Variants in PTPRN2 observed in about 807,000 individuals in gnomAD.
PTPRN2 encodes the protein receptor-type tyrosine-protein phosphatase N2.
PTPRN2 carries 74 observed loss-of-function variants against 118.8 expected under a neutral mutation model. The ratio of observed to expected loss-of-function variants is 0.62; its 90% confidence interval spans 0.52 to 0.76. The LOEUF is 0.76. Ranked by LOEUF, PTPRN2 falls within the 30% of genes least tolerant of loss-of-function variation. The pLI, the probability that PTPRN2 is intolerant of heterozygous loss-of-function variation, is 0.00. For synonymous variants in PTPRN2, 641 were observed against 608.0 expected (o/e 1.05, Z -0.80); for missense variants, 1,481 against 1,394.4 (o/e 1.06, Z -0.99).
intron 2 of PTPRN2, among the ~76,000 whole-genome samples, chr7:158,415,708 G>A (rs558046614): frequency 5.7e-4 from 87 of 151,876 alleles, no homozygotes; most frequent in African/African-American, 2.0e-3. Flanking sequence ...GCAAATCCTC[G>A]TCAAAGACCC....
chr7:158,061,331 A>T (rs1322227119), intron 11 of PTPRN2, among the ~76,000 whole-genome samples: 5 of 152,266 alleles, frequency 3.3e-5, no homozygotes, highest in Non-Finnish European at 5.9e-5. Flanking sequence ...GGATGAAGCC[A>T]CAGGCACAGT....
chr7:157,988,646 G>T (rs1301938292), intron 11 of PTPRN2, among the ~76,000 whole-genome samples: 1 of 152,216 alleles, frequency 6.6e-6, no homozygotes, highest in Non-Finnish European at 1.5e-5. Context: ...GGAGCACAGG[G>T]GGGCTGGAGG....
At chr7:158,486,418 T>C (rs1399451316) in intron 2 of PTPRN2, among the ~76,000 whole-genome samples, 6 of 152,392 alleles carry the variant, frequency 3.9e-5, no homozygotes, top group Non-Finnish European at 7.3e-5. Flanking sequence ...TTTAAAGTTA[T>C]CAACCATGAA....
chr7:157,976,371 C>A (rs1380947717), intron 11 of PTPRN2, among the ~76,000 whole-genome samples: 1 of 152,202 alleles, frequency 6.6e-6, no homozygotes, highest in Non-Finnish European at 1.5e-5. Flanking sequence ...CTAGCACCGG[C>A]TGGCACTCTC....
intron 3 of PTPRN2, among the ~76,000 whole-genome samples, chr7:158,212,538 A>T (rs929464698): frequency 6.6e-6 from 1 of 152,204 alleles, no homozygotes; most frequent in African/African-American, 2.4e-5. Context: ...ATTAAAAATT[A>T]AAAAAATAGA....
At chr7:158,448,850 G>A (rs186390773) in intron 2 of PTPRN2, among the ~76,000 whole-genome samples, 1 of 152,252 alleles carries the variant, frequency 6.6e-6, no homozygotes, top group Admixed American at 6.5e-5. Context: ...ATGGTCAGGA[G>A]CAACGGCGTT....
At chr7:158,195,069 C>G (rs1048407748) in intron 4 of PTPRN2, among the ~76,000 whole-genome samples, 2 of 152,214 alleles carry the variant, frequency 1.3e-5, no homozygotes, top group Non-Finnish European at 2.9e-5. Context: ...CATTGGTTTC[C>G]ATCTGGCACC....
At chr7:157,682,984 A>G in intron 12 of PTPRN2, 47 bp from the exon 13 acceptor site, 6 of 1,476,088 alleles carry the variant, frequency 4.1e-6, no homozygotes, top group Non-Finnish European at 5.6e-6. Context: ...ACAAAGCATG[A>G]CCTCCTAAAA....
intron 2 of PTPRN2, among the ~76,000 whole-genome samples, chr7:158,336,599 C>A (rs1487783687): frequency 6.9e-6 from 1 of 144,050 alleles, no homozygotes; most frequent in African/African-American, 2.6e-5. Context: ...TCATTCACAC[C>A]CACACTCTCA....
Position 158,403,511 on chromosome 7 carries a change from G to A in PTPRN2, c.163+86224C>T, listed in dbSNP as rs575945516. ...GGCTCCAGGTTTGAGAATCGTGCCCGGAGCAAGCACATTTAGGCCCAAACC... is the reference window on the plus strand; with the variant it reads ...GGCTCCAGGTTTGAGAATCGTGCCCAGAGCAAGCACATTTAGGCCCAAACC... On this transcript the variant is annotated intron_variant, in intron 2 of 22. Transcript: ENST00000389418. Among the ~76,000 whole-genome samples, 7 of 152,310 alleles carry A rather than the reference G, an allele frequency of 4.6e-5. No homozygotes were observed. The East Asian group carries it at 9.6e-4, about 21-fold the overall frequency.
At chr7:157,738,890 T>G (rs11976995) in intron 12 of PTPRN2, 9,696 of 152,184 alleles carry the variant, frequency 0.064, 586 homozygotes, top group African/African-American at 0.16. Flanking sequence ...CCAGCGACTT[T>G]GGTTTGGAGG....
chr7:157,556,083 A>G (rs1798861751), intron 21 of PTPRN2, among the ~76,000 whole-genome samples: 1 of 152,210 alleles, frequency 6.6e-6, no homozygotes, highest in Non-Finnish European at 1.5e-5. Context: ...CTGGCAGAGC[A>G]AAACTCGGCT....
intron 1 of PTPRN2, among the ~76,000 whole-genome samples, chr7:158,516,228 C>A (rs1055209366): frequency 6.6e-6 from 1 of 152,214 alleles, no homozygotes; most frequent in African/African-American, 2.4e-5. Flanking sequence ...ACCTGTAATC[C>A]CAGGGCTTTG....
intron 11 of PTPRN2, among the ~76,000 whole-genome samples, chr7:158,016,776 T>A (rs966878222): frequency 2.5e-4 from 38 of 151,806 alleles, no homozygotes; most frequent in African/African-American, 9.0e-4. Flanking sequence ...ACCAATTAGG[T>A]TTTTTTTATG....
intron 1 of PTPRN2, among the ~76,000 whole-genome samples, chr7:158,492,880 C>T (rs758829251): frequency 6.6e-5 from 10 of 152,244 alleles, no homozygotes; most frequent in East Asian, 1.9e-4. Context: ...CGCCATGTGG[C>T]GGCAAGTGGC....
intron 3 of PTPRN2, among the ~76,000 whole-genome samples, chr7:158,224,215 T>TA (rs556481426): frequency 8.2e-4 from 125 of 152,236 alleles, no homozygotes; most frequent in African/African-American, 2.6e-3. Flanking sequence ...ATAATTCCTA[T>TA]AAAAAATCCC....
chr7:157,743,105 C>T (rs765408998), intron 12 of PTPRN2, among the ~76,000 whole-genome samples: 52 of 152,228 alleles, frequency 3.4e-4, no homozygotes, highest in Non-Finnish European at 7.4e-4. Flanking sequence ...TTGTAATGAA[C>T]GGACCACTCA....
chr7:158,130,814 A>G (rs1463050907), intron 9 of PTPRN2, among the ~76,000 whole-genome samples: 1 of 151,748 alleles, frequency 6.6e-6, no homozygotes, highest in Non-Finnish European at 1.5e-5. Flanking sequence ...TACCCAACAC[A>G]CACACATACA....
At chr7:157,613,978 T>A (rs1359598439) in intron 15 of PTPRN2, 1 of 469,900 alleles carries the variant, frequency 2.1e-6, no homozygotes, top group Admixed American at 2.4e-5. Flanking sequence ...CTCTGTGAGC[T>A]CACAGGGCTG....
Sources: gnomAD v4.1 joint callset for allele counts (sites outside exome capture counted in the v4.1 genomes callset) on GRCh38, gnomAD v4.1.1 for gene constraint, MANE v1.5 for transcripts, NCBI Gene and HGNC (gene_info 2026-07-23, HGNC 2026-07-21) for gene names.